The following APOBEC3F variants were observed in gnomAD, a reference collection of about 807,000 sequenced individuals.
APOBEC3F encodes DNA dC->dU-editing enzyme APOBEC-3F.
In APOBEC3F, 34 loss-of-function variants were observed where a neutral mutation model predicts 45.8. That is an observed-to-expected ratio of 0.74 (90% CI 0.57 to 0.99). The LOEUF (loss-of-function observed/expected upper bound fraction) is 0.99, where lower values mean the gene tolerates loss of function less well. Ranked by LOEUF, APOBEC3F falls within the 50% of genes least tolerant of loss-of-function variation. APOBEC3F has a pLI of 0.00. For missense variants in APOBEC3F, 459 were observed against 474.1 expected (o/e 0.97, Z 0.30); for synonymous variants, 192 against 174.4 (o/e 1.10, Z -0.80).
chr22:39,051,167 G>T (rs529991379), intron 5 of APOBEC3F, among the ~76,000 whole-genome samples: 2 of 151,986 alleles, frequency 1.3e-5, no homozygotes, highest in South Asian at 4.2e-4. Flanking sequence ...AACCCAGGAG[G>T]CAGAGGTTGC....
At position 39,040,869 on chromosome 22, in the gene APOBEC3F, A is replaced by C. The variant is rs568479877; in HGVS notation, c.-92A>C. 2.3e-4 allele frequency: 349 copies of C among 1,550,162 alleles called. 2 individuals are homozygous for C. The African/African-American group carries it at 4.2e-3, about 19-fold the overall frequency. On this transcript the variant is annotated 5_prime_UTR_variant, in exon 1 of 7. Coordinates refer to ENST00000308521, the MANE Select transcript of APOBEC3F (RefSeq NM_145298.6). ...CTACGAGGCCCTGGGAGGTCACTTT[A>C]GGGAGGGCTGTCCTGAAACCTGGAG...
chr22:39,046,584 C>T (rs900455483), intron 4 of APOBEC3F, among the ~76,000 whole-genome samples: 5 of 151,974 alleles, frequency 3.3e-5, no homozygotes, highest in African/African-American at 1.2e-4. Context: ...AAGAGCCAAA[C>T]AAACACTCAG....
chr22:39,042,166 C>T (rs1601491619), intron 1 of APOBEC3F, among the ~76,000 whole-genome samples: 2 of 152,374 alleles, frequency 1.3e-5, no homozygotes, highest in South Asian at 4.1e-4. Flanking sequence ...CACATCCGCG[C>T]AGCACTTAGA....
chr22:39,045,495 C>G lies in APOBEC3F; in HGVS notation c.519C>G (p.Phe173Leu), dbSNP rs774534059. Residue 173 changes from phenylalanine (F) to leucine (L), a missense_variant, in exon 4 of 7, where the codon TTC becomes TTG. Phe to Leu is a conservative substitution (Grantham distance 22, BLOSUM62 0). Coordinates refer to ENST00000308521, the MANE Select transcript of APOBEC3F (RefSeq NM_145298.6). ...AGCCATTCATGCCTTGGTACAAATT[C>G]GATGACAATTATGCATTCCTGCACC... ...EGQPFMPWYKFDDNYAFLHRT... is the reference protein window; with the variant it reads ...EGQPFMPWYKLDDNYAFLHRT... The G allele has an allele frequency of 6.2e-6, 10 of 1,614,022 alleles. No individual in the cohort carries two copies. In the African/African-American group the frequency reaches 6.7e-5, roughly 11 times the overall value.
At chr22:39,046,609 A>G (rs191118839) in intron 4 of APOBEC3F, among the ~76,000 whole-genome samples, 5 of 151,946 alleles carry the variant, frequency 3.3e-5, no homozygotes, top group East Asian at 3.9e-4. Context: ...CAAGGTCCCA[A>G]TTGAATAAGA....
intron 4 of APOBEC3F, among the ~76,000 whole-genome samples, chr22:39,046,679 G>A (rs138898261): frequency 2.8e-4 from 43 of 151,228 alleles, no homozygotes; most frequent in African/African-American, 1.0e-3. Flanking sequence ...GTGCTATGGT[G>A]CGATCTCGGC....
intron 1 of APOBEC3F, 96 bp downstream of exon 1, chr22:39,041,073 C>T (rs998295503): frequency 2.2e-5 from 34 of 1,539,690 alleles, no homozygotes; most frequent in Admixed American, 3.9e-5. Context: ...CTGCCCCAGC[C>T]CCAGCCCTGG....
In APOBEC3F at chr22:39,045,520, C is replaced by T. The variant is rs549076724; in HGVS notation, c.544C>T (p.Arg182Cys). The change falls in exon 4 of 7, where the codon CGC (arginine) becomes TGC (cysteine). Residue 182 changes from arginine to cysteine, a missense_variant. Arg to Cys is a radical substitution (Grantham distance 180, BLOSUM62 -3). Transcript: ENST00000308521. Reference sequence around the variant, plus strand: ...CGATGACAATTATGCATTCCTGCACCGCACGCTAAAGGAGATTCTCAGGTG... The same window carrying T: ...CGATGACAATTATGCATTCCTGCACTGCACGCTAAAGGAGATTCTCAGGTG... ...KFDDNYAFLHRTLKEILRNPM... is the reference protein window; with the variant it reads ...KFDDNYAFLHCTLKEILRNPM... 3.8e-5 allele frequency: 61 copies of T among 1,614,114 alleles called. No individual in the cohort carries two copies. Among genetic ancestry groups the T allele is most frequent in the Middle Eastern group, 1.7e-4 (1 of 6,060 alleles).
chr22:39,045,721 G>A (rs1224035937), intron 4 of APOBEC3F, among the ~76,000 whole-genome samples, 179 bp downstream of exon 4: 4 of 151,748 alleles, frequency 2.6e-5, no homozygotes, highest in African/African-American at 9.7e-5. Flanking sequence ...CTCTTTCCTG[G>A]GCCCCTCCTA....
At chr22:39,041,673 G>C (rs1306129904) in intron 1 of APOBEC3F, among the ~76,000 whole-genome samples, 1 of 152,066 alleles carries the variant, frequency 6.6e-6, no homozygotes, top group East Asian at 1.9e-4. Context: ...AGACCATCCT[G>C]ATCAACATGG....
In APOBEC3F at chr22:39,052,750, C is replaced by A; in HGVS notation, c.*55C>A. On this transcript the variant is annotated 3_prime_UTR_variant, in exon 7 of 7. Coordinates refer to ENST00000308521, the MANE Select transcript of APOBEC3F (RefSeq NM_145298.6). ...CCTCTAGCCTCCTGCTCATGTTGTG[C>A]AGGCCTCCCCTCCATCCTGGACCAG... 2 of 1,567,908 alleles carry A rather than the reference C, an allele frequency of 1.3e-6. No homozygotes were observed. Among genetic ancestry groups the A allele is most frequent in the Admixed American group, 1.9e-5 (1 of 52,094 alleles).
intron 5 of APOBEC3F, among the ~76,000 whole-genome samples, chr22:39,051,547 AAAAAG>A (rs1437633534): frequency 2.0e-5 from 3 of 151,868 alleles, no homozygotes; most frequent in East Asian, 1.9e-4. Flanking sequence ...AAAAAAAAAA[AAAAAG>A]AAAGAAAAAG....
At chr22:39,044,120 T>A (rs1289729619) in intron 2 of APOBEC3F, 16 of 1,560,332 alleles carry the variant, frequency 1.0e-5, no homozygotes, top group Non-Finnish European at 1.3e-5. Flanking sequence ...TTTCAAGTGC[T>A]CAGTAGCCCC....
intron 4 of APOBEC3F, among the ~76,000 whole-genome samples, chr22:39,047,925 C>T (rs532868123): frequency 3.3e-5 from 5 of 152,234 alleles, no homozygotes; most frequent in Admixed American, 2.6e-4. Context: ...TACTTTGTTT[C>T]AACACAAAGT....
chr22:39,042,811 T>C, intron 1 of APOBEC3F, 126 bp from the exon 2 acceptor site: 1 of 1,429,844 alleles, frequency 7.0e-7, no homozygotes, highest in Non-Finnish European at 9.3e-7. Flanking sequence ...GAAGCAAAAA[T>C]TCTCAGGGCT....
chr22:39,051,964 A>C (rs1927508239), intron 5 of APOBEC3F, 110 bp from the exon 6 acceptor site: 1 of 1,476,428 alleles, frequency 6.8e-7, no homozygotes, highest in Admixed American at 2.1e-5. Flanking sequence ...AAAAATAAAT[A>C]AGGAAACGCC....
At position 39,050,988 on chromosome 22, in the gene APOBEC3F, C is replaced by T. The variant is rs35255223; in HGVS notation, c.724-1086C>T. 3.0e-3 allele frequency among the ~76,000 whole-genome samples: 450 copies of T among 152,330 alleles called. 3 individuals carry two copies. The highest frequency in any genetic ancestry group is 0.01 in the African/African-American group (417 of 41,574). On this transcript the variant is annotated intron_variant, in intron 5 of 6. Transcript: ENST00000308521. ...GTGCAGTGGCTCACGCCTGTAATCCCAGCACTTAGCGAGGCTGAGGCGGGC... is the reference window on the plus strand; with the variant it reads ...GTGCAGTGGCTCACGCCTGTAATCCTAGCACTTAGCGAGGCTGAGGCGGGC...
intron 5 of APOBEC3F, 88 bp from the exon 6 acceptor site, chr22:39,051,986 G>A: frequency 6.4e-7 from 1 of 1,555,552 alleles, no homozygotes; most frequent in South Asian, 1.2e-5. Context: ...TGGGGCTCCA[G>A]GCCCGCCCTC....
chr22:39,055,229 C>T lies in APOBEC3F; in HGVS notation c.*2534C>T, dbSNP rs1470509285. On this transcript the variant is annotated 3_prime_UTR_variant, in exon 7 of 7. Coordinates refer to ENST00000308521, the MANE Select transcript of APOBEC3F (RefSeq NM_145298.6). ...CTGGGACTACAGGCGTGTGCCACCA[C>T]GCCTGGCTAATTTTGTAGTTTTAGT... 9.9e-5 allele frequency among the ~76,000 whole-genome samples: 15 copies of T among 150,890 alleles called. No homozygotes were observed. The East Asian group carries it at 1.2e-3, about 12-fold the overall frequency.
Sources: allele counts gnomAD v4.1 joint callset (sites outside exome capture counted in the v4.1 genomes callset), GRCh38; gene constraint gnomAD v4.1.1; transcripts MANE v1.5; gene names NCBI Gene and HGNC (gene_info 2026-07-23, HGNC 2026-07-21).